Variants in LRP1B observed in about 807,000 individuals in gnomAD.
LRP1B encodes the protein LDL receptor related protein 1B.
Under a neutral mutation model 556.6 loss-of-function variants are expected in LRP1B, and 217 were observed. The observed-to-expected ratio is 0.39, with a 90% CI of 0.35 to 0.44. The LOEUF is 0.44. LRP1B is among the 20% of genes least tolerant of loss of function. The pLI, the probability that LRP1B is intolerant of heterozygous loss-of-function variation, is 1.00. For synonymous variants in LRP1B, 2,047 were observed against 1,865.8 expected, an observed-to-expected ratio of 1.10 and a Z score of -2.50; for missense variants, 5,053 against 5,620.8, an observed-to-expected ratio of 0.90 and a Z score of 3.23.
rs1559094096 is a variant in LRP1B, at chr2:140,748,389, AT to A, written c.5758+20823del. ...TTTATATATGTATATATATTCATAT[AT>A]TATATTCATATATTATATTCATATA... On this transcript the variant is annotated intron_variant, in intron 35 of 90. Coordinates refer to ENST00000389484, the MANE Select transcript of LRP1B (RefSeq NM_018557.3). Among the ~76,000 whole-genome samples, 4 of 18,660 alleles carry A rather than the reference AT, an allele frequency of 2.1e-4. 1 individual carries two copies. Among genetic ancestry groups the A allele is most frequent in the African/African-American group, 3.7e-4 (4 of 10,844 alleles). 12.2% of individuals were successfully genotyped at this position (18,660 alleles called of 152,430 possible). A position where few individuals can be genotyped will look rare whatever the true frequency, so the allele number is the denominator to read the frequency against.
At position 140,958,244 on chromosome 2, in the gene LRP1B, T is replaced by G. The variant is rs150208363; in HGVS notation, c.2888-6304A>C. ...TTTAGATATTTTTAAAAAATCTATC[T>G]GTAGAGGCTATAGATTGAAATCTGA... On this transcript the variant is annotated intron_variant, in intron 18 of 90. Transcript: ENST00000389484. 4.2e-3 allele frequency among the ~76,000 whole-genome samples: 638 copies of G among 151,616 alleles called. 5 individuals are homozygous for G. Among genetic ancestry groups the G allele is most frequent in the African/African-American group, 0.014 (598 of 41,488 alleles).
At chr2:140,905,936 A>G (rs1424773272) in intron 22 of LRP1B, among the ~76,000 whole-genome samples, 1 of 152,130 alleles carries the variant, frequency 6.6e-6, no homozygotes, top group Non-Finnish European at 1.5e-5. Flanking sequence ...TTCTTTTGAA[A>G]TTATTTAAAA....
intron 1 of LRP1B, among the ~76,000 whole-genome samples, chr2:142,066,195 A>G (rs1338625751): frequency 6.6e-6 from 1 of 151,600 alleles, no homozygotes; most frequent in East Asian, 1.9e-4. Flanking sequence ...TCTCTAGACC[A>G]TGCTTTCCTT....
chr2:141,049,368 A>G (rs941474781), intron 10 of LRP1B, 146 bp from the exon 11 acceptor site: 8 of 640,696 alleles, frequency 1.2e-5, no homozygotes, highest in Non-Finnish European at 2.2e-5. Flanking sequence ...ATGTATCTTG[A>G]TGCAAGAAGG....
intron 14 of LRP1B, 150 bp from the exon 15 acceptor site, chr2:141,005,607 A>G: frequency 1.6e-6 from 1 of 625,848 alleles, no homozygotes. Flanking sequence ...TCATAACTAA[A>G]TTCAATAATG....
At position 141,636,900 on chromosome 2, in the gene LRP1B, T is replaced by C. The variant is rs189078724; in HGVS notation, c.206-156367A>G. ...GTAGCTTCCATACTGCATACATATG[T>C]ATATATGTAAATATATAGAAGGATG... On this transcript the variant is annotated intron_variant, in intron 2 of 90. Transcript: ENST00000389484. Among the ~76,000 whole-genome samples the C allele has an allele frequency of 2.0e-3, 298 of 152,296 alleles. 5 individuals are homozygous for C. Among genetic ancestry groups the C allele is most frequent in the African/African-American group, 7.0e-3 (292 of 41,572 alleles).
intron 1 of LRP1B, among the ~76,000 whole-genome samples, chr2:142,123,456 A>T (rs1323215570): frequency 6.6e-6 from 1 of 151,984 alleles, no homozygotes; most frequent in African/African-American, 2.4e-5. Context: ...GATCTTACCT[A>T]AAGAAGAAAC....
intron 7 of LRP1B, among the ~76,000 whole-genome samples, chr2:141,131,286 T>C (rs1701345407): frequency 6.6e-6 from 1 of 151,642 alleles, no homozygotes; most frequent in Non-Finnish European, 1.5e-5. Flanking sequence ...ATGTAAAATC[T>C]TTGTACATAC....
chr2:140,604,184 C>T (rs1574132752), intron 41 of LRP1B, among the ~76,000 whole-genome samples: 1 of 149,888 alleles, frequency 6.7e-6, no homozygotes, highest in South Asian at 2.1e-4. Context: ...AAATATAATG[C>T]AAACCAGTAA....
At chr2:141,024,111 G>T (rs910750673) in intron 11 of LRP1B, among the ~76,000 whole-genome samples, 6 of 151,938 alleles carry the variant, frequency 3.9e-5, no homozygotes, top group African/African-American at 1.4e-4. Context: ...GCCATAAATA[G>T]CTCATATGTA....
chr2:141,614,900 G>T (rs1298215277), intron 2 of LRP1B, among the ~76,000 whole-genome samples: 1 of 152,194 alleles, frequency 6.6e-6, no homozygotes, highest in African/African-American at 2.4e-5. Context: ...ATACCAGAAT[G>T]TGGGGTTCTG....
At chr2:140,882,448 A>G (rs1693503965) in intron 25 of LRP1B, among the ~76,000 whole-genome samples, 1 of 152,238 alleles carries the variant, frequency 6.6e-6, no homozygotes, top group African/African-American at 2.4e-5. Context: ...AGAAACAGCT[A>G]CTACTCAGCT....
chr2:140,348,567 G>A (rs1266636260), intron 77 of LRP1B, among the ~76,000 whole-genome samples: 2 of 151,956 alleles, frequency 1.3e-5, no homozygotes, highest in African/African-American at 2.4e-5. Context: ...TTTAAATACA[G>A]AGGTGAAAAC....
intron 18 of LRP1B, among the ~76,000 whole-genome samples, chr2:140,965,306 G>A (rs1167070319): frequency 6.6e-6 from 1 of 151,914 alleles, no homozygotes; most frequent in East Asian, 1.9e-4. Context: ...ACTATGCACA[G>A]ATCTACAGAA....
intron 82 of LRP1B, among the ~76,000 whole-genome samples, chr2:140,318,405 A>T (rs918366367): frequency 2.2e-4 from 34 of 152,136 alleles, no homozygotes; most frequent in African/African-American, 8.2e-4. Context: ...AGCAAAACAC[A>T]TCTCCAAAAA....
chr2:141,107,791 G>T (rs1444628913), intron 7 of LRP1B, among the ~76,000 whole-genome samples: 1 of 152,056 alleles, frequency 6.6e-6, no homozygotes, highest in Admixed American at 6.6e-5. Flanking sequence ...AACAACTTCT[G>T]CTTGTGGCTG....
intron 31 of LRP1B, among the ~76,000 whole-genome samples, chr2:140,824,555 A>G (rs1264768221): frequency 6.6e-6 from 1 of 152,144 alleles, no homozygotes; most frequent in Non-Finnish European, 1.5e-5. Context: ...TAAGTGGAGA[A>G]GAAAATTTAG....
At chr2:140,343,240 T>C (rs961917168) in intron 77 of LRP1B, among the ~76,000 whole-genome samples, 1 of 151,668 alleles carries the variant, frequency 6.6e-6, no homozygotes, top group Admixed American at 6.6e-5. Context: ...AGTTTATTAG[T>C]ATTTTGATGC....
At chr2:141,001,666 T>G (rs1236392463) in intron 15 of LRP1B, among the ~76,000 whole-genome samples, 1 of 152,108 alleles carries the variant, frequency 6.6e-6, no homozygotes, top group Non-Finnish European at 1.5e-5. Context: ...GGTCTGTAAC[T>G]ACCAAAATAA....
Sources: allele counts gnomAD v4.1 joint callset (sites outside exome capture counted in the v4.1 genomes callset), GRCh38; gene constraint gnomAD v4.1.1; transcripts MANE v1.5; gene names NCBI Gene and HGNC (gene_info 2026-07-23, HGNC 2026-07-21).